DLG2: variants seen among roughly 807,000 people sequenced by gnomAD.
The protein encoded by DLG2 is discs large MAGUK scaffold protein 2.
A neutral mutation model predicts 132.5 loss-of-function variants in DLG2; 45 were observed. That is an observed-to-expected ratio of 0.34 (90% CI 0.27 to 0.44). The LOEUF (loss-of-function observed/expected upper bound fraction) is 0.44, where lower values mean the gene tolerates loss of function less well. Ranked by LOEUF, DLG2 falls within the 20% of genes least tolerant of loss-of-function variation. The pLI is 1.00. For missense variants in DLG2, 1,045 were observed against 1,196.9 expected (o/e 0.87, Z 1.87); for synonymous variants, 424 against 419.6 (o/e 1.01, Z -0.13).
At chr11:83,792,804 A>G (rs1486367968) in intron 17 of DLG2, among the ~76,000 whole-genome samples, 1 of 152,156 alleles carries the variant, frequency 6.6e-6, no homozygotes, top group African/African-American at 2.4e-5. Flanking sequence ...GGTAATAAAT[A>G]TCATCTAACA....
chr11:83,626,732 CAT>C (rs1324202159), intron 19 of DLG2, among the ~76,000 whole-genome samples: 1 of 152,146 alleles, frequency 6.6e-6, no homozygotes, highest in African/African-American at 2.4e-5. Flanking sequence ...AGACTGATAA[CAT>C]ATATGGAGAC....
intron 6 of DLG2, among the ~76,000 whole-genome samples, chr11:84,928,978 GTGTGTATATATATATA>G (rs1227593502): frequency 2.3e-3 from 70 of 29,856 alleles, no homozygotes; most frequent in African/African-American, 6.1e-3. Context: ...GTGTGTGTGT[GTGTGTATATATATATA>G]TATATATATA....
chr11:84,407,182 T>A (rs1290618474), intron 7 of DLG2, among the ~76,000 whole-genome samples: 4 of 152,136 alleles, frequency 2.6e-5, no homozygotes, highest in African/African-American at 9.7e-5. Context: ...GAGACATGCC[T>A]AATATGTCAG....
chr11:85,124,210 C>T (rs1286764420), intron 5 of DLG2, among the ~76,000 whole-genome samples: 2 of 152,222 alleles, frequency 1.3e-5, no homozygotes, highest in African/African-American at 2.4e-5. Context: ...TTTGCCAAGA[C>T]CTTCACAAAG....
chr11:84,410,345 C>A (rs968205962), intron 7 of DLG2, among the ~76,000 whole-genome samples: 1 of 152,056 alleles, frequency 6.6e-6, no homozygotes, highest in African/African-American at 2.4e-5. Flanking sequence ...TCCCCATGAG[C>A]ATTTCAATCT....
chr11:83,729,479 C>T (rs751806256), intron 18 of DLG2, among the ~76,000 whole-genome samples: 1 of 152,184 alleles, frequency 6.6e-6, no homozygotes, highest in Non-Finnish European at 1.5e-5. Context: ...TCTAATAATA[C>T]AGGAATTACT....
intron 6 of DLG2, among the ~76,000 whole-genome samples, chr11:84,609,911 G>T (rs1355371448): frequency 6.6e-6 from 1 of 151,808 alleles, no homozygotes; most frequent in South Asian, 2.1e-4. Context: ...AGTAATAGGG[G>T]GTATGATAAT....
At chr11:84,054,316 C>T (rs1190117725) in intron 11 of DLG2, among the ~76,000 whole-genome samples, 2 of 151,992 alleles carry the variant, frequency 1.3e-5, no homozygotes, top group South Asian at 2.1e-4. Flanking sequence ...CACTAGGAAG[C>T]CTTTTACAGT....
At chr11:84,134,000 G>A (rs955469749) in intron 9 of DLG2, among the ~76,000 whole-genome samples, 2 of 151,996 alleles carry the variant, frequency 1.3e-5, no homozygotes, top group Non-Finnish European at 2.9e-5. Flanking sequence ...TCTGATTCAT[G>A]ATATGGATTT....
intron 22 of DLG2, 36 bp downstream of exon 22, chr11:83,484,093 T>C (rs925661505): frequency 2.6e-6 from 4 of 1,564,912 alleles, no homozygotes; most frequent in African/African-American, 1.4e-5. Context: ...TTTTCTCTTA[T>C]GTTGCATGTG....
chr11:85,430,605 AG>A (rs1261524531), intron 3 of DLG2, among the ~76,000 whole-genome samples: 1 of 152,166 alleles, frequency 6.6e-6, no homozygotes, highest in Non-Finnish European at 1.5e-5. Context: ...AACAATTCTT[AG>A]TACTCCATAG....
At chr11:84,486,762 A>T (rs1185517979) in intron 7 of DLG2, among the ~76,000 whole-genome samples, 1 of 152,152 alleles carries the variant, frequency 6.6e-6, no homozygotes, top group African/African-American at 2.4e-5. Flanking sequence ...AAGGGAGTGA[A>T]ATATCTTTCT....
rs539178146 is a variant in DLG2 at position 84,443,305 on chromosome 11, GTTC to G, written c.519+91262_519+91264del. Among the ~76,000 whole-genome samples, 227 of 151,860 alleles carry G rather than the reference GTTC, an allele frequency of 1.5e-3. 4 individuals are homozygous for G. Among genetic ancestry groups the G allele is most frequent in the Admixed American group, 0.013 (202 of 15,276 alleles). On this transcript the variant is annotated intron_variant, in intron 7 of 27. Transcript: ENST00000376104. ...TTCAGATTAATTTTTTAAGAAATAAGTTCTTCATAATATAGGTAAAATCTCCAC... is the reference window on the plus strand; with the variant it reads ...TTCAGATTAATTTTTTAAGAAATAAGTTCATAATATAGGTAAAATCTCCAC...
chr11:83,675,634 TA>T (rs1293339584), intron 18 of DLG2, among the ~76,000 whole-genome samples: 2 of 152,234 alleles, frequency 1.3e-5, no homozygotes, highest in Non-Finnish European at 2.9e-5. Flanking sequence ...GTTTAGCTTA[TA>T]ATTCAACGGT....
intron 7 of DLG2, among the ~76,000 whole-genome samples, chr11:84,401,168 A>G (rs1641221349): frequency 6.6e-6 from 1 of 152,176 alleles, no homozygotes; most frequent in Non-Finnish European, 1.5e-5. Context: ...TTTATCAGGT[A>G]AAACTGCAAA....
chr11:83,774,815 C>G (rs999698636), intron 18 of DLG2, among the ~76,000 whole-genome samples: 6 of 152,094 alleles, frequency 3.9e-5, no homozygotes, highest in African/African-American at 1.4e-4. Flanking sequence ...ACTAATCTTC[C>G]AGCAACTCTG....
intron 7 of DLG2, among the ~76,000 whole-genome samples, chr11:84,286,554 A>T (rs1179261044): frequency 2.6e-5 from 4 of 152,206 alleles, no homozygotes; most frequent in African/African-American, 9.6e-5. Context: ...AAGTATGGCC[A>T]AGCAGAAAAA....
intron 5 of DLG2, 141 bp downstream of exon 5, chr11:85,154,415 C>CAATA: frequency 2.0e-6 from 1 of 495,730 alleles, no homozygotes; most frequent in Non-Finnish European, 3.6e-6. Flanking sequence ...CCTGAGAACC[C>CAATA]AATATGCTGA....
chr11:84,014,593 T>C (rs1353234826), intron 11 of DLG2, among the ~76,000 whole-genome samples: 1 of 152,206 alleles, frequency 6.6e-6, no homozygotes, highest in African/African-American at 2.4e-5. Context: ...TCTGAAAGAA[T>C]TGCCTGCATA....
Sources: gnomAD v4.1 joint callset for allele counts (sites outside exome capture counted in the v4.1 genomes callset) on GRCh38, gnomAD v4.1.1 for gene constraint, MANE v1.5 for transcripts, NCBI Gene and HGNC (gene_info 2026-07-23, HGNC 2026-07-21) for gene names.